Variants in COG7 observed in about 807,000 individuals in gnomAD.
The protein encoded by COG7 is conserved oligomeric Golgi complex subunit 7.
A neutral mutation model predicts 91.5 loss-of-function variants in COG7; 49 were observed. That is an observed-to-expected ratio of 0.54 (90% CI 0.43 to 0.68). The LOEUF is 0.68. Ranked by LOEUF, COG7 falls within the 30% of genes least tolerant of loss-of-function variation. The pLI, the probability that COG7 is intolerant of heterozygous loss-of-function variation, is 0.00. For missense variants in COG7, 895 were observed against 961.3 expected (o/e 0.93, Z 0.91); for synonymous variants, 365 against 388.7 (o/e 0.94, Z 0.72).
At chr16:23,446,339 C>T (rs1964181915) in intron 1 of COG7, 1 of 312,188 alleles carries the variant, frequency 3.2e-6, no homozygotes. Flanking sequence ...GCAGCCACCT[C>T]CTACTGATAA....
intron 7 of COG7, among the ~76,000 whole-genome samples, chr16:23,420,609 A>G (rs1003054205): frequency 6.6e-6 from 1 of 152,186 alleles, no homozygotes; most frequent in Non-Finnish European, 1.5e-5. Context: ...TCACTCAGCT[A>G]AAGTCTGCTG....
At position 23,418,734 on chromosome 16, in the gene COG7, C is replaced by G; in HGVS notation, c.1103G>C (p.Ser368Thr). Residue 368 changes from serine (S) to threonine (T), a missense_variant, in exon 8 of 17, where the codon AGC becomes ACC. Coordinates refer to ENST00000307149, the MANE Select transcript of COG7 (RefSeq NM_153603.4). ...AGCACTCATCTGGATGAGGAGGTTGCTCTCTTCCATGTCGCCATACTTCAG... is the reference window on the plus strand; with the variant it reads ...AGCACTCATCTGGATGAGGAGGTTGGTCTCTTCCATGTCGCCATACTTCAG... ...YQLKYGDMEE[S>T]NLLIQMSAVP... 1 of 1,613,840 alleles carries G rather than the reference C, an allele frequency of 6.2e-7. No homozygotes were observed. The highest frequency in any genetic ancestry group is 8.5e-7 in the Non-Finnish European group (1 of 1,179,774).
chr16:23,443,057 C>G (rs1267882743), intron 3 of COG7, among the ~76,000 whole-genome samples: 2 of 151,476 alleles, frequency 1.3e-5, no homozygotes, highest in Admixed American at 1.3e-4. Flanking sequence ...AAAACCTGTA[C>G]TCAAATAAAT....
chr16:23,392,038 G>A, intron 16 of COG7: 3 of 1,228,516 alleles, frequency 2.4e-6, no homozygotes, highest in Non-Finnish European at 2.1e-6. Flanking sequence ...CTGGTATGCA[G>A]TAAGAGCTCA....
At chr16:23,450,916 G>C (rs563371553) in intron 1 of COG7, among the ~76,000 whole-genome samples, 6 of 152,080 alleles carry the variant, frequency 3.9e-5, no homozygotes, top group Non-Finnish European at 8.8e-5. Flanking sequence ...ACATCTGGCC[G>C]GGCACAGTGG....
chr16:23,417,000 C>A lies in COG7; in HGVS notation c.1259G>T (p.Gly420Val), dbSNP rs773279166. 2 of 1,614,230 alleles carry A rather than the reference C, an allele frequency of 1.2e-6. No homozygotes were observed. The highest frequency in any genetic ancestry group is 1.7e-6 in the Non-Finnish European group (2 of 1,180,040). Residue 420 changes from glycine (G) to valine (V), a missense_variant, in exon 9 of 17, where the codon GGC becomes GTC. Transcript: ENST00000307149. Reference protein sequence around the residue: ...VRFTNGLGTCGLLSALKSLFA... With the variant: ...VRFTNGLGTCVLLSALKSLFA... The stretch of plus-strand genomic sequence containing the variant: ...GAGGGATTTCAGGGCTGACAACAGG[C>A]CGCAGGTCCCCAGGCCATTGGTGAA...
At chr16:23,399,859 C>T (rs893480591) in intron 13 of COG7, among the ~76,000 whole-genome samples, 1 of 152,184 alleles carries the variant, frequency 6.6e-6, no homozygotes, top group Non-Finnish European at 1.5e-5. Flanking sequence ...TAAATCTCTA[C>T]GTGCAGGATC....
intron 6 of COG7, among the ~76,000 whole-genome samples, chr16:23,432,905 T>C (rs115605062): frequency 1.3e-5 from 2 of 152,242 alleles, no homozygotes; most frequent in African/African-American, 4.8e-5. Flanking sequence ...CTCCTGCTTT[T>C]AGATGGGAAG....
chr16:23,415,227 A>G (rs1005526779), intron 9 of COG7: 1 of 152,270 alleles, frequency 6.6e-6, no homozygotes, highest in African/African-American at 2.4e-5. Flanking sequence ...GGGAATGTTA[A>G]GGAACATGAT....
At chr16:23,418,439 A>G (rs1056199333) in intron 8 of COG7, among the ~76,000 whole-genome samples, 5 of 152,336 alleles carry the variant, frequency 3.3e-5, no homozygotes, top group East Asian at 1.9e-4. Flanking sequence ...CAGGAGATCA[A>G]GGCTGCAGTG....
intron 2 of COG7, among the ~76,000 whole-genome samples, 175 bp downstream of exon 2, chr16:23,445,638 T>G (rs889024031): frequency 7.2e-5 from 11 of 151,848 alleles, no homozygotes; most frequent in African/African-American, 2.7e-4. Context: ...GCACTCCAGC[T>G]ACAGAGCGAC....
chr16:23,392,066 A>C, intron 16 of COG7: 1 of 1,270,548 alleles, frequency 7.9e-7, no homozygotes, highest in Non-Finnish European at 1.0e-6. Context: ...CTGGTTGGGA[A>C]TTATGGCACA....
chr16:23,446,095 T>C lies in COG7; in HGVS notation c.170-134A>G, dbSNP rs117630242. ...GAAATGCACGACCAACCAAACGGTT[T>C]TTGGAGCCTGCAGAAAATATGGGGC... On this transcript the variant is annotated intron_variant, in intron 1 of 16. Transcript: ENST00000307149. 0.017 allele frequency: 18,487 copies of C among 1,071,584 alleles called. 200 individuals are homozygous for C. The highest frequency in any genetic ancestry group is 0.02 in the Non-Finnish European group (14,936 of 742,920). The allele number at this position is 1,071,584 out of a possible 1,614,324, so 66.4% of individuals were successfully genotyped here.
At chr16:23,450,236 A>T (rs1964245309) in intron 1 of COG7, among the ~76,000 whole-genome samples, 1 of 151,916 alleles carries the variant, frequency 6.6e-6, no homozygotes, top group Admixed American at 6.6e-5. Context: ...GCGCCCAGCC[A>T]ATTTGCTATT....
intron 4 of COG7, among the ~76,000 whole-genome samples, chr16:23,440,159 C>T (rs943376892): frequency 7.3e-5 from 11 of 151,446 alleles, no homozygotes; most frequent in African/African-American, 2.7e-4. Context: ...GAGGCCAAGG[C>T]AGGCAGATCA....
chr16:23,405,866 C>A (rs542900225), intron 12 of COG7, among the ~76,000 whole-genome samples: 1 of 152,286 alleles, frequency 6.6e-6, no homozygotes, highest in Admixed American at 6.5e-5. Context: ...AGATCCATCT[C>A]TTCTAACCTC....
intron 7 of COG7, among the ~76,000 whole-genome samples, chr16:23,419,523 C>T (rs1338306339): frequency 6.6e-6 from 1 of 151,000 alleles, no homozygotes; most frequent in Non-Finnish European, 1.5e-5. Flanking sequence ...CGGAGGTGGG[C>T]GTATCACCTG....
chr16:23,437,019 G>C (rs1004184902), intron 4 of COG7, among the ~76,000 whole-genome samples: 8 of 152,164 alleles, frequency 5.3e-5, no homozygotes, highest in East Asian at 1.9e-4. Flanking sequence ...ACAGTACAAA[G>C]GGCCAAAGAC....
chr16:23,405,980 CCA>C, intron 12 of COG7, 94 bp downstream of exon 12: 1 of 1,104,474 alleles, frequency 9.1e-7, no homozygotes, highest in Non-Finnish European at 1.4e-6. Context: ...CAGCCCAGGG[CCA>C]CACACAGGGC....
Sources: allele counts gnomAD v4.1 joint callset (sites outside exome capture counted in the v4.1 genomes callset), GRCh38; gene constraint gnomAD v4.1.1; transcripts MANE v1.5; gene names NCBI Gene and HGNC (gene_info 2026-07-23, HGNC 2026-07-21).